The following EPHB2 variants were observed in gnomAD, a reference collection of about 807,000 sequenced individuals.
The protein encoded by EPHB2 is ephrin type-B receptor 2.
Under a neutral mutation model 96.4 loss-of-function variants are expected in EPHB2, and 18 were observed. That is an observed-to-expected ratio of 0.19 (90% CI 0.13 to 0.28). The LOEUF (loss-of-function observed/expected upper bound fraction) is 0.28. Ranked by LOEUF, EPHB2 falls within the 10% of genes least tolerant of loss-of-function variation. EPHB2 has a pLI of 1.00. For missense variants in EPHB2, 989 were observed against 1,355.4 expected, an observed-to-expected ratio of 0.73 and a Z score of 4.25; for synonymous variants, 506 against 534.1, an observed-to-expected ratio of 0.95 and a Z score of 0.72.
chr1:22,786,428 G>T (rs941620292), intron 3 of EPHB2, among the ~76,000 whole-genome samples: 1 of 152,198 alleles, frequency 6.6e-6, no homozygotes, highest in African/African-American at 2.4e-5. Flanking sequence ...AGATCCTGGG[G>T]TGCCTCAGAT....
intron 4 of EPHB2, among the ~76,000 whole-genome samples, chr1:22,863,409 G>T (rs982589063): frequency 6.6e-6 from 1 of 152,224 alleles, no homozygotes; most frequent in Non-Finnish European, 1.5e-5. Flanking sequence ...ACCCCCTTCT[G>T]CTGAGTCACA....
rs909176440 is a variant in EPHB2 at position 22,913,302 on chromosome 1, C to T, written c.2853-160C>T. 3.4e-6 allele frequency: 3 copies of T among 874,462 alleles called. No individual in the cohort carries two copies. The highest frequency in any genetic ancestry group is 1.7e-5 in the African/African-American group (1 of 60,432). 54.2% of individuals were successfully genotyped at this position (874,462 alleles called of 1,614,324 possible). A position where few individuals can be genotyped will look rare whatever the true frequency, so the allele number is the denominator to read the frequency against. ...GTGCTCTTCCACCTCACACCATAGT[C>T]GCTCCCTCCAGCTGTGGCTGCCTGC... On this transcript the variant is annotated intron_variant, in intron 15 of 15. Transcript: ENST00000374630. The surrounding 1 kb of genome is among the most constrained non-coding windows in gnomAD (Gnocchi z 4.1).
intron 1 of EPHB2, among the ~76,000 whole-genome samples, chr1:22,762,928 C>T (rs907791653): frequency 2.6e-5 from 4 of 152,130 alleles, no homozygotes; most frequent in Admixed American, 6.5e-5. Context: ...CTTCCTCCCT[C>T]GTGGGTCCAG....
At chr1:22,864,298 G>A (rs568490193) in intron 4 of EPHB2, among the ~76,000 whole-genome samples, 1 of 150,730 alleles carries the variant, frequency 6.6e-6, no homozygotes. Context: ...CGCCTGCCTC[G>A]GCCTCCCAAA....
intron 9 of EPHB2, among the ~76,000 whole-genome samples, chr1:22,903,518 G>A (rs1174400482): frequency 6.6e-6 from 1 of 152,230 alleles, no homozygotes; most frequent in East Asian, 1.9e-4. Flanking sequence ...ACTGGCCCCA[G>A]GCTCAAGTCT....
rs374837404 is a variant in EPHB2, at chr1:22,895,590, G to A, written c.1700+10G>A. The A allele has an allele frequency of 2.6e-5, 42 of 1,613,924 alleles. 1 individual carries two copies. In the South Asian group the frequency reaches 4.0e-4, roughly 15 times the overall value. Reference sequence around the variant, plus strand: ...CCATCGTGTGTAACAGGTGGGTGGGGTCTCCAGGCTTGGCCAGGCCTGGCT... The same window carrying A: ...CCATCGTGTGTAACAGGTGGGTGGGATCTCCAGGCTTGGCCAGGCCTGGCT... On this transcript the variant is annotated intron_variant, in intron 8 of 15. Transcript: ENST00000374630.
At chr1:22,752,319 G>A (rs751093992) in intron 1 of EPHB2, among the ~76,000 whole-genome samples, 1 of 152,024 alleles carries the variant, frequency 6.6e-6, no homozygotes, top group Non-Finnish European at 1.5e-5. Context: ...GAAACACGGC[G>A]AAAACCCATC....
intron 1 of EPHB2, among the ~76,000 whole-genome samples, chr1:22,746,556 G>A (rs569157414): frequency 7.2e-5 from 11 of 152,242 alleles, no homozygotes; most frequent in Non-Finnish European, 1.2e-4. Context: ...AGTCACTGCA[G>A]TGTGTTCTGC....
chr1:22,845,557 G>A (rs1038077679), intron 3 of EPHB2, among the ~76,000 whole-genome samples: 2 of 152,116 alleles, frequency 1.3e-5, no homozygotes, highest in African/African-American at 4.8e-5. Flanking sequence ...TTGTCTGTGG[G>A]TGCTAGAGCT....
chr1:22,820,453 G>A (rs1475395188), intron 3 of EPHB2, among the ~76,000 whole-genome samples: 1 of 152,170 alleles, frequency 6.6e-6, no homozygotes, highest in African/African-American at 2.4e-5. Context: ...TTGAGCCCAG[G>A]AGTTTGAGAC....
At chr1:22,718,252 C>G (rs1390629362) in intron 1 of EPHB2, among the ~76,000 whole-genome samples, 1 of 152,128 alleles carries the variant, frequency 6.6e-6, no homozygotes, top group Non-Finnish European at 1.5e-5. Context: ...AGGCCCCCTC[C>G]CCACTCCAAT....
At chr1:22,889,959 T>C (rs1227159061) in intron 6 of EPHB2, among the ~76,000 whole-genome samples, 1 of 152,220 alleles carries the variant, frequency 6.6e-6, no homozygotes, top group East Asian at 1.9e-4. Flanking sequence ...TATATTTGTG[T>C]TTGCTAAATC....
At chr1:22,836,217 G>A (rs1201337396) in intron 3 of EPHB2, among the ~76,000 whole-genome samples, 1 of 152,182 alleles carries the variant, frequency 6.6e-6, no homozygotes, top group African/African-American at 2.4e-5. Context: ...CAGAGCATGT[G>A]CGTCCAAGAG....
In EPHB2 at chr1:22,882,465, G is replaced by C; in HGVS notation, c.1410G>C (p.Glu470Asp). 1 of 1,614,160 alleles carries C rather than the reference G, an allele frequency of 6.2e-7. No individual in the cohort carries two copies. Among genetic ancestry groups the C allele is most frequent in the Non-Finnish European group, 8.5e-7 (1 of 1,179,984 alleles). Residue 470 changes from glutamate to aspartate, a missense_variant, in exon 6 of 16, where the codon GAG becomes GAC. Glu to Asp is a conservative substitution (Grantham distance 45, BLOSUM62 2). Coordinates refer to ENST00000374630, the MANE Select transcript of EPHB2 (RefSeq NM_017449.5). Reference sequence around the variant, plus strand: ...CCAATGGCGTGATCCTGGACTATGAGCTGCAGTACTATGAGAAGGTACCTA... The same window carrying C: ...CCAATGGCGTGATCCTGGACTATGACCTGCAGTACTATGAGAAGGTACCTA... ...DQPNGVILDY[E>D]LQYYEKELSE...
At chr1:22,889,082 G>A (rs544438029) in intron 6 of EPHB2, among the ~76,000 whole-genome samples, 2 of 152,292 alleles carry the variant, frequency 1.3e-5, no homozygotes, top group Non-Finnish European at 2.9e-5. Context: ...TTGTGTCTGG[G>A]AGGTCGAGGC....
intron 5 of EPHB2, among the ~76,000 whole-genome samples, chr1:22,873,628 G>A (rs568524343): frequency 1.6e-4 from 25 of 152,280 alleles, no homozygotes; most frequent in Admixed American, 1.5e-3. Flanking sequence ...TTTTTCTCAT[G>A]TGTGAAGCGT....
chr1:22,774,621 G>C, intron 1 of EPHB2: 1 of 985,298 alleles, frequency 1.0e-6, no homozygotes, highest in African/African-American at 1.7e-5. Flanking sequence ...CGAGAGACAC[G>C]GAAGACGGTG....
chr1:22,823,672 C>T (rs1300654208), intron 3 of EPHB2, among the ~76,000 whole-genome samples: 5 of 152,134 alleles, frequency 3.3e-5, no homozygotes, highest in African/African-American at 9.7e-5. Context: ...GAATAATTTG[C>T]GGGGTGACCT....
intron 3 of EPHB2, among the ~76,000 whole-genome samples, chr1:22,833,719 A>G (rs1645340435): frequency 6.6e-6 from 1 of 152,232 alleles, no homozygotes; most frequent in Non-Finnish European, 1.5e-5. Context: ...AATAAAACAT[A>G]CAAGAGTATA....
Sources: gnomAD v4.1 joint callset for allele counts (sites outside exome capture counted in the v4.1 genomes callset) on GRCh38, gnomAD v4.1.1 for gene constraint, Gnocchi (gnomAD v3.1) non-coding constraint, MANE v1.5 for transcripts, NCBI Gene and HGNC (gene_info 2026-07-23, HGNC 2026-07-21) for gene names.